Variants in MDGA2 observed in about 807,000 individuals in gnomAD.
MDGA2 encodes MAM domain containing glycosylphosphatidylinositol anchor 2, also known as MAM domain-containing glycosylphosphatidylinositol anchor protein 2.
MDGA2 carries 40 observed loss-of-function variants against 117.8 expected under a neutral mutation model. That is an observed-to-expected ratio of 0.34 (90% CI 0.26 to 0.44). The LOEUF (loss-of-function observed/expected upper bound fraction) is 0.44, where lower values mean the gene tolerates loss of function less well. MDGA2 is among the 20% of genes least tolerant of loss of function. MDGA2 has a pLI of 1.00. For missense variants in MDGA2, 1,123 were observed against 1,250.6 expected (o/e 0.90, Z 1.54); for synonymous variants, 452 against 439.0 (o/e 1.03, Z -0.37).
chr14:47,403,788 C>T (rs529633030), intron 1 of MDGA2, among the ~76,000 whole-genome samples: 6 of 152,200 alleles, frequency 3.9e-5, no homozygotes, highest in African/African-American at 1.2e-4. Flanking sequence ...GGAAGGTCTC[C>T]TGAACTTTCT....
At chr14:47,162,984 C>G (rs531982984) in intron 3 of MDGA2, among the ~76,000 whole-genome samples, 1 of 152,332 alleles carries the variant, frequency 6.6e-6, no homozygotes, top group East Asian at 1.9e-4. Flanking sequence ...TATTTATTAA[C>G]ACTTAAGCTG....
At chr14:47,467,584 G>C (rs561029360) in intron 1 of MDGA2, among the ~76,000 whole-genome samples, 2 of 152,180 alleles carry the variant, frequency 1.3e-5, no homozygotes, top group East Asian at 3.9e-4. Context: ...AGAATGTAGT[G>C]GGTACATTGA....
intron 1 of MDGA2, among the ~76,000 whole-genome samples, chr14:47,338,150 T>C (rs1890516153): frequency 6.6e-6 from 1 of 152,032 alleles, no homozygotes; most frequent in African/African-American, 2.4e-5. Context: ...CTGTTATACC[T>C]TAATTGTGTA....
At chr14:47,574,719 A>G (rs545645962) in intron 1 of MDGA2, among the ~76,000 whole-genome samples, 13 of 152,296 alleles carry the variant, frequency 8.5e-5, no homozygotes, top group East Asian at 5.8e-4. Context: ...CTTTACATAT[A>G]CTAATTATTT....
intron 8 of MDGA2, among the ~76,000 whole-genome samples, chr14:46,966,990 A>G (rs989387477): frequency 1.7e-5 from 2 of 120,132 alleles, no homozygotes; most frequent in African/African-American, 9.0e-5. Context: ...TTATTTCTTG[A>G]AAAAAAATGA....
At chr14:47,435,140 A>C (rs2416074) in intron 1 of MDGA2, among the ~76,000 whole-genome samples, 53,679 of 151,884 alleles carry the variant, frequency 0.35, 9,630 homozygotes, top group South Asian at 0.51. Flanking sequence ...CATCTCAAAA[A>C]CAAAACAAAG....
rs1886576928 is a variant in MDGA2 at position 47,228,315 on chromosome 14, T to TTA, written c.421-10121_421-10120insTA. Among the ~76,000 whole-genome samples the TTA allele has an allele frequency of 1.3e-5, 2 of 152,188 alleles. 1 individual carries two copies. Among genetic ancestry groups the TTA allele is most frequent in the South Asian group, 4.1e-4 (2 of 4,830 alleles). ...TGATTCACAGAGGACTTTGTGGAAC[T>TTA]CATTATACAGTCTCTGACTGATTGT... On this transcript the variant is annotated intron_variant, in intron 2 of 16. Transcript: ENST00000399232.
At chr14:47,064,442 T>G (rs1449324403) in intron 6 of MDGA2, among the ~76,000 whole-genome samples, 1 of 152,034 alleles carries the variant, frequency 6.6e-6, no homozygotes, top group Non-Finnish European at 1.5e-5. Context: ...AAAAAAGAAA[T>G]GTTCAGATAA....
chr14:47,458,634 G>C (rs1893414694), intron 1 of MDGA2, among the ~76,000 whole-genome samples: 1 of 152,116 alleles, frequency 6.6e-6, no homozygotes, highest in Non-Finnish European at 1.5e-5. Flanking sequence ...CTTGAAATGT[G>C]CTAAGAGGAT....
At chr14:47,572,339 G>T (rs562992905) in intron 1 of MDGA2, among the ~76,000 whole-genome samples, 1 of 152,044 alleles carries the variant, frequency 6.6e-6, no homozygotes, top group Non-Finnish European at 1.5e-5. Context: ...TAAATCATGG[G>T]CCATATTTTA....
At chr14:47,428,635 G>C (rs1892737679) in intron 1 of MDGA2, among the ~76,000 whole-genome samples, 1 of 151,844 alleles carries the variant, frequency 6.6e-6, no homozygotes, top group Non-Finnish European at 1.5e-5. Flanking sequence ...AGAAACCCTA[G>C]TGGGACAGGC....
intron 10 of MDGA2, among the ~76,000 whole-genome samples, chr14:46,893,916 C>G (rs1044457640): frequency 6.6e-6 from 1 of 151,794 alleles, no homozygotes; most frequent in Non-Finnish European, 1.5e-5. Context: ...TTTTAGACTT[C>G]TATGTATATG....
intron 1 of MDGA2, among the ~76,000 whole-genome samples, chr14:47,565,866 A>G (rs1164135505): frequency 6.6e-6 from 1 of 152,094 alleles, no homozygotes; most frequent in Non-Finnish European, 1.5e-5. Flanking sequence ...AGCTGTGACA[A>G]TGTGGGGCAG....
At chr14:47,423,418 A>G (rs1469717760) in intron 1 of MDGA2, among the ~76,000 whole-genome samples, 1 of 152,152 alleles carries the variant, frequency 6.6e-6, no homozygotes, top group African/African-American at 2.4e-5. Context: ...CTTTACGCGC[A>G]CTGTTCACCT....
At chr14:47,001,048 G>A (rs1175802963) in intron 8 of MDGA2, among the ~76,000 whole-genome samples, 2 of 151,998 alleles carry the variant, frequency 1.3e-5, no homozygotes, top group African/African-American at 2.4e-5. Context: ...CACTAAACTA[G>A]GGGAGGAAAC....
At chr14:47,233,652 G>T (rs1028845157) in intron 2 of MDGA2, among the ~76,000 whole-genome samples, 1 of 152,078 alleles carries the variant, frequency 6.6e-6, no homozygotes, top group Non-Finnish European at 1.5e-5. Context: ...CAAAGAAAAA[G>T]ATGTTACTAT....
chr14:47,616,757 G>T (rs146626379), intron 1 of MDGA2, among the ~76,000 whole-genome samples: 1 of 152,062 alleles, frequency 6.6e-6, no homozygotes, highest in Non-Finnish European at 1.5e-5. Context: ...ATATTTGTAT[G>T]AGCTCATATA....
chr14:47,402,519 A>G (rs1404296954), intron 1 of MDGA2, among the ~76,000 whole-genome samples: 1 of 152,198 alleles, frequency 6.6e-6, no homozygotes, highest in African/African-American at 2.4e-5. Context: ...TAAATGATAC[A>G]GAAGTTCCAT....
chr14:46,942,114 AAG>A (rs1402713275), intron 9 of MDGA2, among the ~76,000 whole-genome samples: 1 of 152,194 alleles, frequency 6.6e-6, no homozygotes, highest in Non-Finnish European at 1.5e-5. Context: ...CAAGAAATAT[AAG>A]AGAGAAACAT....
Sources: gnomAD v4.1 joint callset for allele counts (sites outside exome capture counted in the v4.1 genomes callset) on GRCh38, gnomAD v4.1.1 for gene constraint, MANE v1.5 for transcripts, NCBI Gene and HGNC (gene_info 2026-07-23, HGNC 2026-07-21) for gene names.